SNAI3: variants seen among roughly 807,000 people sequenced by gnomAD.
The protein encoded by SNAI3 is snail family transcriptional repressor 3.
A neutral mutation model predicts 16.4 loss-of-function variants in SNAI3; 21 were observed. The observed-to-expected ratio is 1.28, with a 90% CI of 0.91 to 1.85. The LOEUF (loss-of-function observed/expected upper bound fraction) is 1.85, where lower values mean the gene tolerates loss of function less well. Ranked by LOEUF, SNAI3 falls within the 40% of genes most tolerant of loss-of-function variation. SNAI3 has a pLI of 0.00. For missense variants in SNAI3, 457 were observed against 372.8 expected (o/e 1.23, Z -1.86); for synonymous variants, 202 against 166.6 (o/e 1.21, Z -1.64).
At position 88,678,579 on chromosome 16, in the gene SNAI3, A is replaced by C. The variant is rs949896451; in HGVS notation, c.748T>G (p.Ser250Ala). 9 of 937,096 alleles carry C rather than the reference A, an allele frequency of 9.6e-6. No homozygotes were observed. The highest frequency in any genetic ancestry group is 1.6e-5 in the African/African-American group (1 of 62,096). 58.0% of individuals were successfully genotyped at this position (937,096 alleles called of 1,614,324 possible). ...GTTTGCAGATGGGCCCGAAGGTTGG[A>C]GCGGTCGGCAAAGGCCCTGCTGCAG... ...SHCSRAFADRSNLRAHLQTHS... is the reference protein window; with the variant it reads ...SHCSRAFADRANLRAHLQTHS... The change falls in exon 3 of 3, where the codon TCC (serine) becomes GCC (alanine). Residue 250 changes from serine to alanine, a missense_variant. Transcript: ENST00000332281.
intron 1 of SNAI3, 95 bp downstream of exon 1, chr16:88,686,236 G>A: frequency 6.9e-7 from 1 of 1,455,894 alleles, no homozygotes; most frequent in Admixed American, 2.1e-5. Context: ...CCTGGGACAG[G>A]TGTCTCCCCA....
intron 1 of SNAI3, among the ~76,000 whole-genome samples, chr16:88,683,428 G>A (rs1466580418): frequency 6.6e-6 from 1 of 151,170 alleles, no homozygotes; most frequent in Non-Finnish European, 1.5e-5. Context: ...GCTTATTTTT[G>A]TATTCTTAGT....
intron 1 of SNAI3, chr16:88,684,989 CG>C: frequency 6.6e-6 from 1 of 152,350 alleles, no homozygotes; most frequent in Non-Finnish European, 1.5e-5. Context: ...AGGAGGGGAG[CG>C]GGGGCGGGGA....
Position 88,681,271 on chromosome 16 carries a change from G to A in SNAI3, c.520C>T (p.His174Tyr). ...LAGLARHRQLHCHLQVGRVFT... is the reference protein window; with the variant it reads ...LAGLARHRQLYCHLQVGRVFT... ...ACACGCCCCACCTGCAGGTGGCAGT[G>A]CAGCTGCCGGTGCCTGGCCAGCCCG... Residue 174 changes from histidine to tyrosine, a missense_variant, in exon 2 of 3, where the codon CAC becomes TAC. By Grantham distance (83) the His-to-Tyr change is moderately conservative (BLOSUM62 2). Transcript: ENST00000332281. This position sits in a 1 kb window ranked among gnomAD's most constrained non-coding sequence, Gnocchi z 5.4. 1.2e-6 allele frequency: 2 copies of A among 1,613,286 alleles called. No individual in the cohort carries two copies. The highest frequency in any genetic ancestry group is 1.7e-6 in the Non-Finnish European group (2 of 1,179,892).
Position 88,678,089 on chromosome 16 carries a change from C to T in SNAI3, c.*359G>A, listed in dbSNP as rs1480679410. ...GAACTAGGCAGCCTTGCCAGCCATC[C>T]GGCGGCAGTGCCGGCCCATGCTGGC... On this transcript the variant is annotated 3_prime_UTR_variant, in exon 3 of 3. Coordinates refer to ENST00000332281, the MANE Select transcript of SNAI3 (RefSeq NM_178310.4). 4 of 225,432 alleles carry T rather than the reference C, an allele frequency of 1.8e-5. No individual in the cohort carries two copies. The highest frequency in any genetic ancestry group is 6.9e-5 in the African/African-American group (3 of 43,788). The allele number at this position is 225,432 out of a possible 1,614,324, so 14.0% of individuals were successfully genotyped here. A position where few individuals can be genotyped will look rare whatever the true frequency, so the allele number is the denominator to read the frequency against.
At chr16:88,682,057 G>A (rs1210556064) in intron 1 of SNAI3, among the ~76,000 whole-genome samples, 2 of 152,180 alleles carry the variant, frequency 1.3e-5, no homozygotes, top group Non-Finnish European at 2.9e-5. Context: ...TTACGCCTCG[G>A]CTGGGCAGGA....
chr16:88,683,476 G>A (rs372176674), intron 1 of SNAI3, among the ~76,000 whole-genome samples: 4 of 150,884 alleles, frequency 2.7e-5, no homozygotes, highest in African/African-American at 7.3e-5. Context: ...GGCTGGTCTC[G>A]AACTCTTGAC....
intron 2 of SNAI3, among the ~76,000 whole-genome samples, chr16:88,679,775 A>AAAAAGAAAAG (rs1555545691): frequency 8.4e-5 from 9 of 106,570 alleles, no homozygotes; most frequent in African/African-American, 3.1e-4. Context: ...AAAAAAAAAA[A>AAAAAGAAAAG]AAAAAAAGAA....
chr16:88,682,114 C>T lies in SNAI3; in HGVS notation c.77-400G>A, dbSNP rs543835170. Among the ~76,000 whole-genome samples the T allele has an allele frequency of 7.9e-5, 12 of 152,292 alleles. No homozygotes were observed. In the South Asian group the frequency reaches 1.9e-3, roughly 24 times the overall value. ...CCTCTGGAGGGGTCCCAGCCTGGGC[C>T]GGCATCCTCCAGGTGCCCATGCAGC... On this transcript the variant is annotated intron_variant, in intron 1 of 2. Transcript: ENST00000332281.
chr16:88,679,847 A>G lies in SNAI3; in HGVS notation c.698-1218T>C, dbSNP rs567218286. ...GTAATCCCAGCACTTTGGGAGGCCA[A>G]GGTGAGAAAATGGATTGAGCCCAGA... On this transcript the variant is annotated intron_variant, in intron 2 of 2. Transcript: ENST00000332281. Among the ~76,000 whole-genome samples the G allele has an allele frequency of 6.6e-5, 10 of 151,588 alleles. No individual in the cohort carries two copies. In the East Asian group the frequency reaches 1.7e-3, roughly 27 times the overall value.
intron 2 of SNAI3, among the ~76,000 whole-genome samples, chr16:88,679,896 A>G (rs1909106607): frequency 6.6e-6 from 1 of 152,062 alleles, no homozygotes; most frequent in Non-Finnish European, 1.5e-5. Flanking sequence ...CCTGGGCAAC[A>G]TAGCGAGACC....
Position 88,681,330 on chromosome 16 carries a change from C to A in SNAI3, c.461G>T (p.Cys154Phe), listed in dbSNP as rs147711305. ...GTGGTAGGGTTTGTGGCAGTGGAAG[C>A]ACTCAAAGCCGCCCGGGGCTCGGGG... is the stretch of plus-strand genomic sequence containing the variant. ...RMPRAPGGFE[C>F]FHCHKPYHTL... Residue 154 changes from cysteine (C) to phenylalanine (F), a missense_variant, in exon 2 of 3, where the codon TGC becomes TTC. Transcript: ENST00000332281. The surrounding 1 kb of genome is among the most constrained non-coding windows in gnomAD (Gnocchi z 5.4). 6.2e-7 allele frequency: 1 copy of A among 1,613,018 alleles called. No homozygotes were observed. Among genetic ancestry groups the A allele is most frequent in the African/African-American group, 1.3e-5 (1 of 75,054 alleles).
chr16:88,682,938 C>T (rs1324356811), intron 1 of SNAI3, among the ~76,000 whole-genome samples: 2 of 151,178 alleles, frequency 1.3e-5, no homozygotes, highest in African/African-American at 4.9e-5. Context: ...CCACGCCCGG[C>T]TAATTTTTTT....
In SNAI3 at chr16:88,686,352, G is replaced by C. The variant is rs1285054613; in HGVS notation, c.55C>G (p.Arg19Gly). The change falls in exon 1 of 3, where the codon CGG becomes GGG. Residue 19 changes from arginine (R) to glycine (G), a missense_variant. Arg to Gly is a moderately radical substitution (Grantham distance 125, BLOSUM62 -2). Coordinates refer to ENST00000332281, the MANE Select transcript of SNAI3 (RefSeq NM_178310.4). ...THSSHRVPNY[R>G]RLETQREING... ...GTACCTCTCTGCGTCTCCAGCCGCC[G>C]GTAGTTGGGGACCCTGTGGCTGGAG... 1 of 1,612,228 alleles carries C rather than the reference G, an allele frequency of 6.2e-7. No homozygotes were observed. Among genetic ancestry groups the C allele is most frequent in the African/African-American group, 1.3e-5 (1 of 74,918 alleles).
chr16:88,683,644 G>A (rs1260092339), intron 1 of SNAI3, among the ~76,000 whole-genome samples: 1 of 134,730 alleles, frequency 7.4e-6, no homozygotes, highest in Non-Finnish European at 1.5e-5. Context: ...TGCAACCTCC[G>A]CCTCCCAGGT....
intron 1 of SNAI3, among the ~76,000 whole-genome samples, chr16:88,684,882 A>T (rs1597394664): frequency 6.6e-6 from 1 of 152,162 alleles, no homozygotes; most frequent in East Asian, 1.9e-4. Context: ...AGGGGCCCCA[A>T]ATCCCAGCAC....
Position 88,681,372 on chromosome 16 carries a change from A to C in SNAI3, c.419T>G (p.Leu140Arg). Reference sequence around the variant, plus strand: ...GGCTCGGGGCATCCGCTCAGCCCCAAGCAGTTTTTCCGGAGCCCCGTGCCG... The same window carrying C: ...GGCTCGGGGCATCCGCTCAGCCCCACGCAGTTTTTCCGGAGCCCCGTGCCG... Reference protein sequence around the residue: ...PDRHGAPEKLLGAERMPRAPG... With the variant: ...PDRHGAPEKLRGAERMPRAPG... The change falls in exon 2 of 3, where the codon CTT (leucine) becomes CGT (arginine). Residue 140 changes from leucine to arginine, a missense_variant. Coordinates refer to ENST00000332281, the MANE Select transcript of SNAI3 (RefSeq NM_178310.4). The surrounding 1 kb of genome is among the most constrained non-coding windows in gnomAD (Gnocchi z 5.4). The C allele has an allele frequency of 1.2e-6, 2 of 1,612,696 alleles. No individual in the cohort carries two copies. The highest frequency in any genetic ancestry group is 1.7e-6 in the Non-Finnish European group (2 of 1,179,434).
chr16:88,679,440 G>A (rs912270768), intron 2 of SNAI3, among the ~76,000 whole-genome samples: 2 of 152,198 alleles, frequency 1.3e-5, no homozygotes, highest in African/African-American at 4.8e-5. Context: ...CATGACTTAG[G>A]GGGTAGGGAA....
Position 88,686,333 on chromosome 16 carries a change from C to T in SNAI3, c.74G>A (p.Arg25Lys), listed in dbSNP as rs141137404. 1.9e-6 allele frequency: 3 copies of T among 1,611,150 alleles called. No homozygotes were observed. The highest frequency in any genetic ancestry group is 1.7e-5 in the Admixed American group (1 of 59,972). ...VPNYRRLETQ[R>K]EINGACSACG... is the part of the protein sequence containing the mutation. ...CTCGGGGATCGGGTAGTCAGTACCT[C>T]TCTGCGTCTCCAGCCGCCGGTAGTT... The change falls in exon 1 of 3, where the codon AGA (arginine) becomes AAA (lysine). Residue 25 changes from arginine (R) to lysine (K), a missense_variant and splice_region_variant. Physicochemically the swap from Arg to Lys is conservative, Grantham distance 26. Transcript: ENST00000332281.
Sources: allele counts gnomAD v4.1 joint callset (sites outside exome capture counted in the v4.1 genomes callset), GRCh38; gene constraint gnomAD v4.1.1; non-coding constraint Gnocchi (gnomAD v3.1); transcripts MANE v1.5; gene names NCBI Gene and HGNC (gene_info 2026-07-23, HGNC 2026-07-21).